MAP3K20: variants seen among roughly 807,000 people sequenced by gnomAD.
MAP3K20 encodes the protein HCCS-4.
Under a neutral mutation model 85.7 loss-of-function variants are expected in MAP3K20, and 40 were observed. The observed-to-expected ratio is 0.47, with a 90% CI of 0.36 to 0.61. The LOEUF (loss-of-function observed/expected upper bound fraction) is 0.61, where lower values mean the gene tolerates loss of function less well. MAP3K20 is among the 20% of genes least tolerant of loss of function. The pLI is 0.00. For synonymous variants in MAP3K20, 325 were observed against 327.7 expected (o/e 0.99, Z 0.09); for missense variants, 817 against 961.7 (o/e 0.85, Z 1.99).
chr2:173,231,655 G>A (rs895807966), intron 12 of MAP3K20, among the ~76,000 whole-genome samples: 9 of 152,122 alleles, frequency 5.9e-5, no homozygotes, highest in Non-Finnish European at 1.2e-4. Context: ...ACTGTGAGAG[G>A]CCACCAGTAA....
chr2:173,174,941 G>A (rs557815609), intron 3 of MAP3K20, among the ~76,000 whole-genome samples: 1 of 152,226 alleles, frequency 6.6e-6, no homozygotes, highest in East Asian at 1.9e-4. Context: ...GAATATTTTA[G>A]TCCCATATGC....
chr2:173,079,350 G>T (rs1022439423), intron 1 of MAP3K20, among the ~76,000 whole-genome samples: 36 of 152,308 alleles, frequency 2.4e-4, no homozygotes, highest in African/African-American at 8.2e-4. Flanking sequence ...ACTGGAAGTT[G>T]TTTGGGGCAA....
chr2:173,118,537 C>T (rs940329679), intron 2 of MAP3K20, among the ~76,000 whole-genome samples: 1 of 152,038 alleles, frequency 6.6e-6, no homozygotes, highest in African/African-American at 2.4e-5. Flanking sequence ...AGCTACAAGC[C>T]TGTGTGTAGA....
rs1371713534 is a variant in MAP3K20 at position 173,192,682 on chromosome 2, C to T, written c.582+1505C>T. Among the ~76,000 whole-genome samples the T allele has an allele frequency of 2.5e-4, 38 of 152,168 alleles. 1 individual carries two copies. Among genetic ancestry groups the T allele is most frequent in the Admixed American group, 2.5e-3 (38 of 15,270 alleles). ...TACATTCTAACCATCATACATTCAT[C>T]TGTGGGATATTCTGAAAATGGGGTA... On this transcript the variant is annotated intron_variant, in intron 7 of 19. Transcript: ENST00000375213.
At chr2:173,130,722 A>G (rs1688592063) in intron 2 of MAP3K20, among the ~76,000 whole-genome samples, 1 of 152,250 alleles carries the variant, frequency 6.6e-6, no homozygotes, top group Admixed American at 6.5e-5. Flanking sequence ...CTGAGCTGTG[A>G]AAGTGTTCTA....
chr2:173,266,808 A>C lies in MAP3K20; in HGVS notation c.*58A>C, dbSNP rs1375106680. On this transcript the variant is annotated 3_prime_UTR_variant, in exon 20 of 20. Coordinates refer to ENST00000375213, the MANE Select transcript of MAP3K20 (RefSeq NM_016653.3). The stretch of plus-strand genomic sequence containing the variant: ...TAAAAAAAAAAAAAAAAAGAAATGT[A>C]ATGGTTTTTGATAATATGATCCCTT... 2 of 1,309,232 alleles carry C rather than the reference A, an allele frequency of 1.5e-6. No individual in the cohort carries two copies. Among genetic ancestry groups the C allele is most frequent in the Non-Finnish European group, 2.0e-6 (2 of 986,446 alleles). 81.1% of individuals were successfully genotyped at this position (1,309,232 alleles called of 1,614,324 possible). A position where few individuals can be genotyped will look rare whatever the true frequency, so the allele number is the denominator to read the frequency against.
At chr2:173,131,202 G>A (rs1305158419) in intron 2 of MAP3K20, among the ~76,000 whole-genome samples, 1 of 152,204 alleles carries the variant, frequency 6.6e-6, no homozygotes, top group East Asian at 1.9e-4. Context: ...AGAGGGGATA[G>A]TGCATTGTCT....
rs35541382 is a variant in MAP3K20 at position 173,077,379 on chromosome 2, C to CAAAAA, written c.-35+1393_-35+1397dup. On this transcript the variant is annotated intron_variant, in intron 1 of 19. Transcript: ENST00000375213. Reference sequence around the variant, plus strand: ...AAATTTCACTTGTTTTTCAATTTTCCAAAAAAAAAAAAAAAAAAAAGTGAT... The same window carrying CAAAAA: ...AAATTTCACTTGTTTTTCAATTTTCCAAAAAAAAAAAAAAAAAAAAAAAAAGTGAT... Among the ~76,000 whole-genome samples, 561 of 95,608 alleles carry CAAAAA rather than the reference C, an allele frequency of 5.9e-3. 9 individuals are homozygous for CAAAAA. The highest frequency in any genetic ancestry group is 9.4e-3 in the Non-Finnish European group (459 of 48,644). The allele number at this position is 95,608 out of a possible 152,430, so 62.7% of individuals were successfully genotyped here.
chr2:173,159,081 C>A (rs77849516), intron 2 of MAP3K20, among the ~76,000 whole-genome samples: 1,936 of 152,290 alleles, frequency 0.013, 23 homozygotes, highest in Middle Eastern at 0.024. Context: ...GTGACCAGGT[C>A]GCTTTAGGGC....
At position 173,198,501 on chromosome 2, in the gene MAP3K20, T is replaced by C. The variant is rs1690925162; in HGVS notation, c.669+389T>C. The C allele has an allele frequency of 6.5e-6, 1 of 153,290 alleles. No individual in the cohort carries two copies. Among genetic ancestry groups the C allele is most frequent in the African/African-American group, 2.4e-5 (1 of 41,468 alleles). 9.5% of individuals were successfully genotyped at this position (153,290 alleles called of 1,614,324 possible). A position where few individuals can be genotyped will look rare whatever the true frequency, so the allele number is the denominator to read the frequency against. On this transcript the variant is annotated intron_variant, in intron 8 of 19. Transcript: ENST00000375213. The surrounding 1 kb of genome is among the most constrained non-coding windows in gnomAD (Gnocchi z 5.8). Reference sequence around the variant, plus strand: ...GAGTTGATATATCTGTAAGAGACCTTCAGCTACTTCAACTTACCTCTCCCA... The same window carrying C: ...GAGTTGATATATCTGTAAGAGACCTCCAGCTACTTCAACTTACCTCTCCCA...
chr2:173,133,327 A>G (rs1230328805), intron 2 of MAP3K20, among the ~76,000 whole-genome samples: 1 of 152,206 alleles, frequency 6.6e-6, no homozygotes, highest in Non-Finnish European at 1.5e-5. Flanking sequence ...CAGTTTCCAA[A>G]TTAACACTAA....
At chr2:173,090,556 G>T (rs1355493375) in intron 1 of MAP3K20, 5 of 933,930 alleles carry the variant, frequency 5.4e-6, no homozygotes, top group Non-Finnish European at 5.1e-6. Context: ...CTTAGGTTGT[G>T]TATATTTTGT....
chr2:173,129,150 A>G (rs1195425230), intron 2 of MAP3K20, among the ~76,000 whole-genome samples: 2 of 152,082 alleles, frequency 1.3e-5, no homozygotes, highest in African/African-American at 2.4e-5. Flanking sequence ...GATGGTCTCA[A>G]TCTCGTGACC....
chr2:173,081,178 A>T (rs984191872), intron 1 of MAP3K20, among the ~76,000 whole-genome samples: 22 of 149,780 alleles, frequency 1.5e-4, no homozygotes, highest in African/African-American at 4.9e-4. Context: ...CACATATTTT[A>T]AAAAAGACAA....
At chr2:173,173,473 G>C (rs79649786) in intron 3 of MAP3K20, among the ~76,000 whole-genome samples, 1 of 152,094 alleles carries the variant, frequency 6.6e-6, no homozygotes, top group Admixed American at 6.6e-5. Flanking sequence ...TCTATTACTC[G>C]TCTAAGAGAG....
chr2:173,169,593 G>A (rs1201189470), intron 2 of MAP3K20, among the ~76,000 whole-genome samples: 1 of 151,826 alleles, frequency 6.6e-6, no homozygotes, highest in Non-Finnish European at 1.5e-5. Context: ...AGTGGTGTGT[G>A]CCTGTAGTCC....
rs117543360 is a variant in MAP3K20 at position 173,159,629 on chromosome 2, A to G, written c.160-10176A>G. Among the ~76,000 whole-genome samples the G allele has an allele frequency of 5.1e-3, 781 of 152,284 alleles. 66 individuals are homozygous for G. The East Asian group carries it at 0.13, about 26-fold the overall frequency. On this transcript the variant is annotated intron_variant, in intron 2 of 19. Transcript: ENST00000375213. ...GGTCTTGAACTCCTGAGCTCAAGTT[A>G]TCTGCCTGCCTTGGCCTCCCAAAGT...
intron 16 of MAP3K20, among the ~76,000 whole-genome samples, chr2:173,254,259 C>CAAAA (rs61332246): frequency 2.7e-5 from 4 of 145,976 alleles, no homozygotes; most frequent in Non-Finnish European, 1.5e-5. Flanking sequence ...CCTAAAAATA[C>CAAAA]AAAAAAAAAA....
chr2:173,190,502 A>C (rs1258801593), intron 5 of MAP3K20, among the ~76,000 whole-genome samples: 1 of 152,208 alleles, frequency 6.6e-6, no homozygotes, highest in Admixed American at 6.5e-5. Context: ...TCCACCTTTA[A>C]CAAAAATCAC....
Sources: allele counts gnomAD v4.1 joint callset (sites outside exome capture counted in the v4.1 genomes callset), GRCh38; gene constraint gnomAD v4.1.1; non-coding constraint Gnocchi (gnomAD v3.1); transcripts MANE v1.5; gene names NCBI Gene and HGNC (gene_info 2026-07-23, HGNC 2026-07-21).